Variants in RC3H2 observed in about 807,000 individuals in gnomAD.
RC3H2 encodes the protein roquin-2.
Under a neutral mutation model 133.3 loss-of-function variants are expected in RC3H2, and 31 were observed. The ratio of observed to expected loss-of-function variants is 0.23; its 90% CI spans 0.17 to 0.31. RC3H2 has a LOEUF of 0.31. RC3H2 is among the 10% of genes least tolerant of loss of function. RC3H2 has a pLI of 1.00. For synonymous variants in RC3H2, 517 were observed against 502.2 expected (o/e 1.03, Z -0.40); for missense variants, 1,175 against 1,437.2 (o/e 0.82, Z 2.95).
At chr9:122,882,760 T>C (rs1325249483) in intron 5 of RC3H2, among the ~76,000 whole-genome samples, 1 of 152,222 alleles carries the variant, frequency 6.6e-6, no homozygotes, top group Admixed American at 6.5e-5. Context: ...CCTGGTTGTA[T>C]CTGAGATAAC....
At chr9:122,855,019 G>A (rs1235974721) in intron 15 of RC3H2, among the ~76,000 whole-genome samples, 165 bp downstream of exon 15, 1 of 151,822 alleles carries the variant, frequency 6.6e-6, no homozygotes, top group Non-Finnish European at 1.5e-5. Context: ...GGAGGCTGAG[G>A]CAGGAGAATC....
chr9:122,854,563 G>A lies in RC3H2; in HGVS notation c.2868C>T (p.Asn956=), dbSNP rs762502967. 9.9e-6 allele frequency: 16 copies of A among 1,613,222 alleles called. No homozygotes were observed. The highest frequency in any genetic ancestry group is 3.3e-5 in the Admixed American group (2 of 60,004). Residue 956 remains asparagine, a synonymous_variant, in exon 16 of 21, where the codon AAC becomes AAT. Coordinates refer to ENST00000357244, the MANE Select transcript of RC3H2 (RefSeq NM_001100588.3). The part of the protein sequence containing the change: ...AVDSRWSSYG[N]EATSSAHYVE... ...CATAGTGTGCTGATGATGTGGCCTC[G>A]TTGCCATATGAACTCCACCTTGAAT... is the stretch of plus-strand genomic sequence containing the variant.
intron 8 of RC3H2, among the ~76,000 whole-genome samples, chr9:122,879,108 A>G (rs1217338710): frequency 1.3e-5 from 2 of 150,344 alleles, no homozygotes; most frequent in African/African-American, 4.9e-5. Context: ...TGAAAATTCA[A>G]ATTTCGGCCA....
Position 122,858,894 on chromosome 9 carries a change from TACTGGAGGA to T in RC3H2, c.2049_2057del (p.Pro685_Pro687del), listed in dbSNP as rs1220328942. Reference sequence around the variant, plus strand: ...ACACAGGAGCATACATTCCAGAAGGTACTGGAGGAACTGGTCCATACGGCTGCGGAGGAG... The same window carrying T: ...ACACAGGAGCATACATTCCAGAAGGTACTGGTCCATACGGCTGCGGAGGAG... On this transcript the variant is annotated inframe_deletion, in exon 12 of 21. Coordinates refer to ENST00000357244, the MANE Select transcript of RC3H2 (RefSeq NM_001100588.3). 1 of 1,614,210 alleles carries T rather than the reference TACTGGAGGA, an allele frequency of 6.2e-7. No individual in the cohort carries two copies. The highest frequency in any genetic ancestry group is 2.2e-5 in the East Asian group (1 of 44,888).
chr9:122,904,530 G>C (rs1433286936), intron 1 of RC3H2, among the ~76,000 whole-genome samples: 1 of 152,222 alleles, frequency 6.6e-6, no homozygotes, highest in Non-Finnish European at 1.5e-5. Context: ...AGGGAAAGAA[G>C]AAAGCCATAG....
At chr9:122,875,233 T>C (rs1290855758) in intron 9 of RC3H2, 1 of 1,551,112 alleles carries the variant, frequency 6.4e-7, no homozygotes, top group Non-Finnish European at 8.7e-7. Context: ...AGCATGTTTC[T>C]GCTCTTTTCA....
At chr9:122,881,216 G>T (rs1367590453) in intron 5 of RC3H2, among the ~76,000 whole-genome samples, 1 of 152,176 alleles carries the variant, frequency 6.6e-6, no homozygotes. Flanking sequence ...GCCAGGGATG[G>T]TGGCTCATGC....
chr9:122,890,248 C>T (rs776561030), intron 4 of RC3H2, 64 bp downstream of exon 4: 127 of 1,202,348 alleles, frequency 1.1e-4, no homozygotes, highest in Middle Eastern at 5.6e-4. Flanking sequence ...TCACCGAGCT[C>T]CAGAAATTGG....
At chr9:122,865,756 A>C (rs1588068230) in intron 9 of RC3H2, 99 bp from the exon 10 acceptor site, 1 of 1,042,294 alleles carries the variant, frequency 9.6e-7, no homozygotes, top group East Asian at 2.4e-5. Flanking sequence ...AAAAAGGAGG[A>C]AACAGTTTTG....
At chr9:122,890,155 A>T (rs891226813) in intron 4 of RC3H2, 157 bp downstream of exon 4, 2 of 659,736 alleles carry the variant, frequency 3.0e-6, no homozygotes, top group South Asian at 1.8e-5. Flanking sequence ...AAAACAAAAC[A>T]GCAATAACAA....
chr9:122,858,583 G>A (rs1458145055), intron 12 of RC3H2, 86 bp downstream of exon 12: 2 of 1,095,122 alleles, frequency 1.8e-6, no homozygotes, highest in Non-Finnish European at 2.6e-6. Context: ...CAATTAGTAA[G>A]TGGAGGAGCC....
Position 122,846,778 on chromosome 9 carries a change from G to A in RC3H2, c.*2849C>T, listed in dbSNP as rs1307269413. On this transcript the variant is annotated 3_prime_UTR_variant, in exon 21 of 21. Coordinates refer to ENST00000357244, the MANE Select transcript of RC3H2 (RefSeq NM_001100588.3). ...CTTGTTGGTAAAAAGGCCAAATGAC[G>A]GGAAATGCCTCAATTTTAAAAAGTC... is the stretch of plus-strand genomic sequence containing the variant. The A allele has an allele frequency of 1.3e-5, 2 of 152,064 alleles. No individual in the cohort carries two copies. Among genetic ancestry groups the A allele is most frequent in the Non-Finnish European group, 2.9e-5 (2 of 67,988 alleles). The allele number at this position is 152,064 out of a possible 1,614,324, so 9.4% of individuals were successfully genotyped here.
chr9:122,869,548 C>A (rs945573200), intron 9 of RC3H2, among the ~76,000 whole-genome samples: 8 of 144,466 alleles, frequency 5.5e-5, no homozygotes, highest in Non-Finnish European at 4.5e-5. Flanking sequence ...CAGGTGATGG[C>A]CAGTTTACAC....
At chr9:122,891,777 A>T (rs1271641841) in intron 3 of RC3H2, among the ~76,000 whole-genome samples, 1 of 152,252 alleles carries the variant, frequency 6.6e-6, no homozygotes, top group Non-Finnish European at 1.5e-5. Context: ...AAAGCATTCA[A>T]CAGGTACAAA....
At chr9:122,868,880 TGTGTGTGTGTATGTG>T (rs1175878363) in intron 9 of RC3H2, among the ~76,000 whole-genome samples, 43 of 22,482 alleles carry the variant, frequency 1.9e-3, no homozygotes, top group Admixed American at 3.5e-3. Context: ...TGTGTGTGTG[TGTGTGTGTGTATGTG>T]TTTTTTTTTT....
chr9:122,865,520 T>C lies in RC3H2; in HGVS notation c.1463A>G (p.Lys488Arg). The C allele has an allele frequency of 6.2e-7, 1 of 1,614,218 alleles. No homozygotes were observed. Among genetic ancestry groups the C allele is most frequent in the Non-Finnish European group, 8.5e-7 (1 of 1,180,032 alleles). ...AATTCCGTTTGTACTTGGAACAATTTTCCCTGTTGTTTCAGTACTTCCTAT... is the reference window on the plus strand; with the variant it reads ...AATTCCGTTTGTACTTGGAACAATTCTCCCTGTTGTTTCAGTACTTCCTAT... ...SVIGSTETTG[K>R]IVPSTNGISN... Residue 488 changes from lysine to arginine, a missense_variant, in exon 10 of 21, where the codon AAA becomes AGA. Lys to Arg is a conservative substitution (Grantham distance 26, BLOSUM62 2). This residue lies in a region of RC3H2 where 490 missense variants were observed against 492.8 expected (regional missense o/e 0.99). Transcript: ENST00000357244.
intron 18 of RC3H2, 67 bp from the exon 19 acceptor site, chr9:122,851,503 G>C (rs1282491281): frequency 6.4e-7 from 1 of 1,556,412 alleles, no homozygotes; most frequent in African/African-American, 1.4e-5. Flanking sequence ...CTCTCCCCAT[G>C]GTCTCCCTCT....
chr9:122,871,324 G>A (rs1831079538), intron 9 of RC3H2, among the ~76,000 whole-genome samples: 1 of 151,032 alleles, frequency 6.6e-6, no homozygotes, highest in Non-Finnish European at 1.5e-5. Flanking sequence ...TTGAGACGGA[G>A]TCTCGCTCTG....
In RC3H2 at chr9:122,851,413, A is replaced by G. The variant is rs747624966; in HGVS notation, c.3141T>C (p.Asp1047=). The G allele has an allele frequency of 6.2e-7, 1 of 1,614,126 alleles. No homozygotes were observed. Among genetic ancestry groups the G allele is most frequent in the Non-Finnish European group, 8.5e-7 (1 of 1,180,028 alleles). The stretch of plus-strand genomic sequence containing the variant: ...CCCTATCAGGTTTAGTATCTGTTGC[A>G]TCTTCTGTATAATCACTCTGTAACT... ...NGELQSDYTE[D]ATDTKPDRDI... The change falls in exon 19 of 21, where the codon GAT becomes GAC. Residue 1047 remains aspartate (D), a synonymous_variant. Coordinates refer to ENST00000357244, the MANE Select transcript of RC3H2 (RefSeq NM_001100588.3).
Sources: gnomAD v4.1 joint callset for allele counts (sites outside exome capture counted in the v4.1 genomes callset) on GRCh38, gnomAD v4.1.1 for gene constraint, gnomAD v4.1.1 regional missense constraint, MANE v1.5 for transcripts, NCBI Gene and HGNC (gene_info 2026-07-23, HGNC 2026-07-21) for gene names.